The following MSL2 variants were observed in gnomAD, a reference collection of about 807,000 sequenced individuals.
MSL2 encodes the protein MSL complex subunit 2, also known as E3 ubiquitin-protein ligase MSL2.
In MSL2, 2 loss-of-function variants were observed where a neutral mutation model predicts 35.8. The ratio of observed to expected loss-of-function variants is 0.06; its 90% CI spans 0.02 to 0.18. MSL2 has a LOEUF of 0.18. MSL2 is among the 10% of genes least tolerant of loss of function. The pLI is 1.00. For missense variants in MSL2, 523 were observed against 706.7 expected (o/e 0.74, Z 2.95); for synonymous variants, 296 against 255.7 (o/e 1.16, Z -1.50).
chr3:136,159,350 C>CTTTTTTTTTTTTTTTTTTTT (rs1576357844), intron 1 of MSL2, among the ~76,000 whole-genome samples: 1 of 102,102 alleles, frequency 9.8e-6, no homozygotes, highest in African/African-American at 3.8e-5. Context: ...AAGGAGAGTA[C>CTTTTTTTTTTTTTTTTTTTT]TTTCTTTTTT....
rs150244883 is a variant in MSL2, at chr3:136,186,779, G to C, written c.142+8193C>G. ...TACATATTACAATGTAATAATAATA[G>C]AAATAAAGTGCACAATAAATGTAAT... On this transcript the variant is annotated intron_variant, in intron 1 of 1. Coordinates refer to ENST00000309993, the MANE Select transcript of MSL2 (RefSeq NM_018133.4). Among the ~76,000 whole-genome samples the C allele has an allele frequency of 7.2e-5, 11 of 152,236 alleles. No homozygotes were observed. In the East Asian group the frequency reaches 2.1e-3, roughly 29 times the overall value.
At chr3:136,177,329 A>T (rs182657847) in intron 1 of MSL2, among the ~76,000 whole-genome samples, 2 of 152,322 alleles carry the variant, frequency 1.3e-5, no homozygotes, top group East Asian at 3.9e-4. Flanking sequence ...ATGCATTTTA[A>T]TTAAAAACAA....
Position 136,195,813 on chromosome 3 carries a change from C to G in MSL2, c.-700G>C, listed in dbSNP as rs561282832. The G allele has an allele frequency of 1.3e-4, 127 of 984,894 alleles. No individual in the cohort carries two copies. The African/African-American group carries it at 2.0e-3, about 15-fold the overall frequency. 61.0% of individuals were successfully genotyped at this position (984,894 alleles called of 1,614,324 possible). On this transcript the variant is annotated 5_prime_UTR_variant, in exon 1 of 2. Transcript: ENST00000309993. Reference sequence around the variant, plus strand: ...CGAGGTGGCGAGGCGGGCGGGAGTCCTCAACCCGGAGGGGAAGGCCGGGGA... The same window carrying G: ...CGAGGTGGCGAGGCGGGCGGGAGTCGTCAACCCGGAGGGGAAGGCCGGGGA...
intron 1 of MSL2, among the ~76,000 whole-genome samples, chr3:136,189,414 T>C (rs558690329): frequency 7.0e-6 from 1 of 143,076 alleles, no homozygotes; most frequent in South Asian, 2.3e-4. Flanking sequence ...GCATACTAGA[T>C]AAATGTGCTC....
At chr3:136,161,942 A>ATT (rs540015581) in intron 1 of MSL2, among the ~76,000 whole-genome samples, 2 of 149,404 alleles carry the variant, frequency 1.3e-5, no homozygotes, top group African/African-American at 4.9e-5. Flanking sequence ...ATATATATGC[A>ATT]TTTTTTTTTT....
At chr3:136,180,800 G>GGAAGGAAGGAAGGAA (rs1559969269) in intron 1 of MSL2, among the ~76,000 whole-genome samples, 5 of 49,518 alleles carry the variant, frequency 1.0e-4, no homozygotes, top group Non-Finnish European at 1.8e-4. Flanking sequence ...GAGGGAGGGA[G>GGAAGGAAGGAAGGAA]GGAGGGAGGG....
chr3:136,154,733 A>C (rs1939470866), intron 1 of MSL2, among the ~76,000 whole-genome samples: 1 of 152,218 alleles, frequency 6.6e-6, no homozygotes, highest in Admixed American at 6.5e-5. Context: ...GTTTAGTGGG[A>C]AATCTATAGC....
At chr3:136,162,805 A>G (rs907805467) in intron 1 of MSL2, among the ~76,000 whole-genome samples, 4 of 152,230 alleles carry the variant, frequency 2.6e-5, no homozygotes, top group African/African-American at 9.6e-5. Context: ...CCAAAGAGTA[A>G]CTATTTCGAA....
At chr3:136,174,066 C>T (rs1402166040) in intron 1 of MSL2, among the ~76,000 whole-genome samples, 1 of 152,196 alleles carries the variant, frequency 6.6e-6, no homozygotes, top group African/African-American at 2.4e-5. Flanking sequence ...TGAAAAAGCA[C>T]TTTACACATT....
intron 1 of MSL2, among the ~76,000 whole-genome samples, chr3:136,162,212 A>G (rs1939726695): frequency 6.6e-6 from 1 of 151,476 alleles, no homozygotes; most frequent in South Asian, 2.1e-4. Flanking sequence ...CTGGGATTAC[A>G]GGCATGAGCC....
intron 1 of MSL2, among the ~76,000 whole-genome samples, chr3:136,177,785 C>A (rs1181548408): frequency 6.6e-6 from 1 of 151,306 alleles, no homozygotes; most frequent in Non-Finnish European, 1.5e-5. Context: ...TAACTAAATA[C>A]CATTATATTT....
At chr3:136,184,574 G>A (rs1197211183) in intron 1 of MSL2, among the ~76,000 whole-genome samples, 1 of 151,950 alleles carries the variant, frequency 6.6e-6, no homozygotes, top group East Asian at 1.9e-4. Context: ...TTGCACTCCA[G>A]CCTGGACGAC....
intron 1 of MSL2, among the ~76,000 whole-genome samples, chr3:136,159,529 ATT>A (rs71624086): frequency 2.0e-4 from 27 of 135,864 alleles, no homozygotes; most frequent in South Asian, 2.3e-4. Context: ...ACGCCCAGCT[ATT>A]TTTTTTTTTT....
At chr3:136,155,891 G>A in intron 1 of MSL2, 2 of 573,650 alleles carry the variant, frequency 3.5e-6, no homozygotes, top group Admixed American at 1.9e-5. Flanking sequence ...TGGCTGTGAT[G>A]GCCTTGTGAT....
rs1258568936 is a variant in MSL2, at chr3:136,151,608, G to C, written c.1273C>G (p.Pro425Ala). 6.2e-7 allele frequency: 1 copy of C among 1,614,026 alleles called. No homozygotes were observed. Residue 425 changes from proline (P) to alanine (A), a missense_variant, in exon 2 of 2, where the codon CCA (proline) becomes GCA (alanine). Around this residue, in one of 5 missense-constraint regions of MSL2, gnomAD observed 361 missense variants for 414.6 expected, o/e 0.87. Coordinates refer to ENST00000309993, the MANE Select transcript of MSL2 (RefSeq NM_018133.4). This position sits in a 1 kb window ranked among gnomAD's most constrained non-coding sequence, Gnocchi z 5.2. ...GSKKSHSKTKPGILKKDKAVK... is the reference protein window; with the variant it reads ...GSKKSHSKTKAGILKKDKAVK... Reference sequence around the variant, plus strand: ...GCTTTGTCTTTTTTAAGAATACCTGGCTTGGTTTTAGAGTGAGATTTCTTG... The same window carrying C: ...GCTTTGTCTTTTTTAAGAATACCTGCCTTGGTTTTAGAGTGAGATTTCTTG...
At chr3:136,186,546 G>A (rs114243260) in intron 1 of MSL2, among the ~76,000 whole-genome samples, 1 of 152,126 alleles carries the variant, frequency 6.6e-6, no homozygotes, top group African/African-American at 2.4e-5. Context: ...AGCTCTGCCT[G>A]TCAGATCTGC....
At chr3:136,154,920 G>A (rs1307854515) in intron 1 of MSL2, among the ~76,000 whole-genome samples, 1 of 152,126 alleles carries the variant, frequency 6.6e-6, no homozygotes, top group African/African-American at 2.4e-5. Context: ...TTTTAAGAAA[G>A]CGGCTGGGCA....
chr3:136,184,753 G>A lies in MSL2; in HGVS notation c.142+10219C>T, dbSNP rs142992501. Among the ~76,000 whole-genome samples, 250 of 85,384 alleles carry A rather than the reference G, an allele frequency of 2.9e-3. 1 individual carries two copies. Among genetic ancestry groups the A allele is most frequent in the Non-Finnish European group, 3.6e-3 (141 of 39,700 alleles). The allele number at this position is 85,384 out of a possible 152,430, so 56.0% of individuals were successfully genotyped here. A position where few individuals can be genotyped will look rare whatever the true frequency, so the allele number is the denominator to read the frequency against. On this transcript the variant is annotated intron_variant, in intron 1 of 1. Coordinates refer to ENST00000309993, the MANE Select transcript of MSL2 (RefSeq NM_018133.4). ...GATAAAGGTTAAAAAAAAAAAAAGG[G>A]GGGGGGGGGGACAAAGGTCACGTGT...
At chr3:136,189,129 A>AAAAAAAAAAAAAAAAAAAAAAAAAAAAC (rs1415244597) in intron 1 of MSL2, among the ~76,000 whole-genome samples, 1 of 138,056 alleles carries the variant, frequency 7.2e-6, no homozygotes, top group African/African-American at 2.8e-5. Flanking sequence ...AAAAAAAAAA[A>AAAAAAAAAAAAAAAAAAAAAAAAAAAAC]AAAAAAACAC....
Sources: gnomAD v4.1 joint callset for allele counts (sites outside exome capture counted in the v4.1 genomes callset) on GRCh38, gnomAD v4.1.1 for gene constraint, gnomAD v4.1.1 regional missense constraint, Gnocchi (gnomAD v3.1) non-coding constraint, MANE v1.5 for transcripts, NCBI Gene and HGNC (gene_info 2026-07-23, HGNC 2026-07-21) for gene names.